SUGCT: variants seen among roughly 807,000 people sequenced by gnomAD.
SUGCT encodes succinyl-CoA:glutarate-CoA transferase.
Under a neutral mutation model 55.0 loss-of-function variants are expected in SUGCT, and 41 were observed. The observed-to-expected ratio is 0.74, with a 90% CI of 0.58 to 0.97. SUGCT has a LOEUF of 0.97. SUGCT is among the 50% of genes least tolerant of loss of function. SUGCT has a pLI of 0.00. For synonymous variants in SUGCT, 187 were observed against 200.4 expected (o/e 0.93, Z 0.56); for missense variants, 568 against 547.8 (o/e 1.04, Z -0.37).
chr7:40,844,038 A>C (rs1793425150), intron 13 of SUGCT, among the ~76,000 whole-genome samples: 2 of 152,032 alleles, frequency 1.3e-5, no homozygotes, highest in Non-Finnish European at 2.9e-5. Flanking sequence ...ACCAGGGCAA[A>C]TCAACACTGG....
intron 11 of SUGCT, among the ~76,000 whole-genome samples, chr7:40,487,505 T>A (rs1791447738): frequency 1.3e-5 from 2 of 152,018 alleles, no homozygotes; most frequent in Non-Finnish European, 2.9e-5. Flanking sequence ...GGATGGAATG[T>A]TCTACATATA....
intron 13 of SUGCT, among the ~76,000 whole-genome samples, chr7:40,818,372 T>G (rs115169563): frequency 2.1e-3 from 314 of 152,328 alleles, no homozygotes; most frequent in African/African-American, 7.4e-3. Flanking sequence ...GTCCATAGAT[T>G]GGTAGCTATT....
chr7:40,889,236 A>T, the SUGCT span, among the ~76,000 whole-genome samples: 1 of 152,072 alleles, frequency 6.6e-6, no homozygotes. Context: ...CTCTCAAGGG[A>T]CATCTGGAAA....
intron 12 of SUGCT, among the ~76,000 whole-genome samples, chr7:40,580,967 C>T (rs1006325613): frequency 9.2e-5 from 14 of 152,090 alleles, no homozygotes; most frequent in Admixed American, 2.0e-4. Context: ...CCTAACAACG[C>T]ATTTTTCAGA....
At chr7:40,692,286 C>T (rs953439201) in intron 12 of SUGCT, among the ~76,000 whole-genome samples, 3 of 152,108 alleles carry the variant, frequency 2.0e-5, no homozygotes, top group African/African-American at 7.2e-5. Flanking sequence ...ATACTCGGTT[C>T]TATAAAAACT....
intron 9 of SUGCT, among the ~76,000 whole-genome samples, chr7:40,415,355 AT>A (rs1786942540): frequency 6.7e-6 from 1 of 149,792 alleles, no homozygotes; most frequent in South Asian, 2.1e-4. Context: ...TCTGATTCAG[AT>A]TGAGTTTGAC....
intron 9 of SUGCT, among the ~76,000 whole-genome samples, chr7:40,398,705 A>G (rs979887490): frequency 6.6e-6 from 1 of 152,104 alleles, no homozygotes; most frequent in Non-Finnish European, 1.5e-5. Flanking sequence ...TGATATCATA[A>G]TCACAACAGC....
At chr7:40,909,886 A>T in the SUGCT span, among the ~76,000 whole-genome samples, 2 of 152,134 alleles carry the variant, frequency 1.3e-5, no homozygotes, top group Non-Finnish European at 2.9e-5. Context: ...TAAAAACAGC[A>T]ACTTGGTTAG....
At chr7:40,439,093 T>G (rs1788352306) in intron 9 of SUGCT, among the ~76,000 whole-genome samples, 1 of 126,166 alleles carries the variant, frequency 7.9e-6, no homozygotes, top group Non-Finnish European at 1.6e-5. Flanking sequence ...TATATATATA[T>G]ATATATATAT....
intron 13 of SUGCT, among the ~76,000 whole-genome samples, chr7:40,770,281 A>G (rs908804205): frequency 1.3e-5 from 2 of 152,178 alleles, no homozygotes; most frequent in Non-Finnish European, 2.9e-5. Flanking sequence ...CAAATAGCAC[A>G]GATTAAAGAG....
intron 9 of SUGCT, among the ~76,000 whole-genome samples, chr7:40,396,164 A>G (rs1785715144): frequency 6.6e-6 from 1 of 152,206 alleles, no homozygotes; most frequent in African/African-American, 2.4e-5. Flanking sequence ...AAAGTGAATT[A>G]TTTAGGAAAT....
At chr7:40,692,717 C>T (rs747564012) in intron 12 of SUGCT, among the ~76,000 whole-genome samples, 5 of 152,218 alleles carry the variant, frequency 3.3e-5, no homozygotes, top group Non-Finnish European at 5.9e-5. Context: ...AGAAAGGGCT[C>T]GGGCACCAAT....
chr7:40,948,295 C>T, the SUGCT span, among the ~76,000 whole-genome samples: 1 of 152,308 alleles, frequency 6.6e-6, no homozygotes, highest in East Asian at 1.9e-4. Context: ...TGTTCCAAGG[C>T]AGTTGCAAGA....
intron 12 of SUGCT, among the ~76,000 whole-genome samples, chr7:40,742,935 T>G (rs1787541674): frequency 6.6e-6 from 1 of 152,242 alleles, no homozygotes; most frequent in Non-Finnish European, 1.5e-5. Flanking sequence ...CAGTGTTTTT[T>G]GCTTAGTAAG....
intron 12 of SUGCT, among the ~76,000 whole-genome samples, chr7:40,605,598 A>G (rs1798488525): frequency 6.6e-6 from 1 of 152,162 alleles, no homozygotes; most frequent in Non-Finnish European, 1.5e-5. Flanking sequence ...GCAGTCAGAA[A>G]TGGAGGAGAA....
chr7:40,200,544 C>T (rs374144263), intron 6 of SUGCT, among the ~76,000 whole-genome samples: 4 of 151,622 alleles, frequency 2.6e-5, no homozygotes, highest in Middle Eastern at 3.4e-3. Flanking sequence ...GCAAAGGCTC[C>T]GTGGTAGGAA....
the SUGCT span, among the ~76,000 whole-genome samples, chr7:40,963,155 G>A: frequency 2.6e-5 from 4 of 151,794 alleles, no homozygotes; most frequent in South Asian, 2.1e-4. Flanking sequence ...ATTCCCACAT[G>A]TATGTATTAT....
At chr7:40,622,551 T>TTTTTC (rs1554388211) in intron 12 of SUGCT, among the ~76,000 whole-genome samples, 1 of 142,342 alleles carries the variant, frequency 7.0e-6, no homozygotes, top group Non-Finnish European at 1.5e-5. Context: ...TTTTTTTTTT[T>TTTTTC]CATCTTCTGA....
chr7:40,521,740 G>T (rs1793540319), intron 12 of SUGCT, among the ~76,000 whole-genome samples: 1 of 151,952 alleles, frequency 6.6e-6, no homozygotes. Flanking sequence ...CTGAAATTGG[G>T]GAATAATGTA....
Sources: allele counts gnomAD v4.1 joint callset (sites outside exome capture counted in the v4.1 genomes callset), GRCh38; gene constraint gnomAD v4.1.1; transcripts MANE v1.5; gene names NCBI Gene and HGNC (gene_info 2026-07-23, HGNC 2026-07-21).